The following CAMK4 variants were observed in gnomAD, a reference collection of about 807,000 sequenced individuals.
CAMK4 encodes the protein calcium/calmodulin-dependent protein kinase type IV.
In CAMK4, 22 loss-of-function variants were observed where a neutral mutation model predicts 44.9. That is an observed-to-expected ratio of 0.49 (90% CI 0.35 to 0.70). The LOEUF (loss-of-function observed/expected upper bound fraction) is 0.70. CAMK4 is among the 30% of genes least tolerant of loss of function. The probability of loss-of-function intolerance (pLI) is 0.01; values close to 1 mark genes in which losing one functional copy is unlikely to be tolerated. For missense variants in CAMK4, 498 were observed against 586.8 expected (o/e 0.85, Z 1.56); for synonymous variants, 218 against 215.4 (o/e 1.01, Z -0.11).
chr5:111,235,821 T>C (rs997657902), intron 1 of CAMK4, among the ~76,000 whole-genome samples: 1 of 151,978 alleles, frequency 6.6e-6, no homozygotes, highest in Non-Finnish European at 1.5e-5. Context: ...CTGAGCCAAG[T>C]AGTGGAGGGG....
chr5:111,237,646 T>C (rs1234207109), intron 1 of CAMK4, among the ~76,000 whole-genome samples: 3 of 152,260 alleles, frequency 2.0e-5, no homozygotes, highest in Admixed American at 1.3e-4. Context: ...GTTTCCTGGC[T>C]TCCTCTACCC....
At chr5:111,313,511 A>G (rs1293653208) in intron 1 of CAMK4, among the ~76,000 whole-genome samples, 1 of 152,144 alleles carries the variant, frequency 6.6e-6, no homozygotes, top group African/African-American at 2.4e-5. Flanking sequence ...GACTAAGAAC[A>G]TAAGTGATGA....
intron 2 of CAMK4, among the ~76,000 whole-genome samples, chr5:111,373,716 G>A (rs1035324970): frequency 1.3e-5 from 2 of 152,088 alleles, no homozygotes; most frequent in African/African-American, 4.8e-5. Flanking sequence ...TGCCTATAGA[G>A]TTTGGCTGTG....
At chr5:111,437,701 G>C (rs930368760) in intron 5 of CAMK4, among the ~76,000 whole-genome samples, 3 of 152,160 alleles carry the variant, frequency 2.0e-5, no homozygotes, top group Non-Finnish European at 4.4e-5. Context: ...GCTCAGGCAG[G>C]GAACAGCCAG....
At chr5:111,427,192 T>A (rs1176319262) in intron 5 of CAMK4, among the ~76,000 whole-genome samples, 1 of 152,128 alleles carries the variant, frequency 6.6e-6, no homozygotes, top group Non-Finnish European at 1.5e-5. Flanking sequence ...GTCAGAGTTG[T>A]GAGGTCCCCA....
In CAMK4 at chr5:111,298,656, AG is replaced by A. The variant is rs377020981; in HGVS notation, c.162-45366del. Among the ~76,000 whole-genome samples the A allele has an allele frequency of 3.1e-3, 471 of 152,312 alleles. 1 individual carries two copies. The highest frequency in any genetic ancestry group is 0.011 in the African/African-American group (439 of 41,560). The stretch of plus-strand genomic sequence containing the variant: ...CCTTGGCAGTGACTATCCCTGGAGC[AG>A]GTGTCATAACTGAAGAAGCACAAGT... On this transcript the variant is annotated intron_variant, in intron 1 of 10. Coordinates refer to ENST00000282356, the MANE Select transcript of CAMK4 (RefSeq NM_001744.6).
chr5:111,423,424 T>G (rs1418629251), intron 5 of CAMK4, among the ~76,000 whole-genome samples: 1 of 152,230 alleles, frequency 6.6e-6, no homozygotes, highest in African/African-American at 2.4e-5. Context: ...CTTCTCACAA[T>G]TTAACATTGA....
intron 1 of CAMK4, among the ~76,000 whole-genome samples, chr5:111,256,839 T>A (rs1211800097): frequency 1.3e-5 from 2 of 152,188 alleles, no homozygotes; most frequent in African/African-American, 4.8e-5. Flanking sequence ...CAACAGTATC[T>A]TTGGTCTTCT....
chr5:111,387,146 A>G (rs753897956), intron 4 of CAMK4, among the ~76,000 whole-genome samples: 28 of 152,228 alleles, frequency 1.8e-4, no homozygotes, highest in African/African-American at 6.5e-4. Context: ...AGCAATAACT[A>G]TGTTTAAATA....
chr5:111,416,385 C>G (rs756404558), intron 5 of CAMK4: 20 of 151,976 alleles, frequency 1.3e-4, no homozygotes, highest in Non-Finnish European at 2.8e-4. Context: ...CTATAATGAA[C>G]ACATATTGCT....
intron 4 of CAMK4, among the ~76,000 whole-genome samples, chr5:111,392,454 G>A (rs1431423680): frequency 6.6e-6 from 1 of 151,956 alleles, no homozygotes. Flanking sequence ...AGATTTGGGT[G>A]GGAACACAAA....
intron 1 of CAMK4, 28 bp from the exon 2 acceptor site, chr5:111,343,995 AT>A: frequency 7.4e-7 from 1 of 1,352,846 alleles, no homozygotes; most frequent in Middle Eastern, 1.8e-4. Flanking sequence ...AAAGCATAAC[AT>A]TTTCTTTTTG....
In CAMK4 at chr5:111,460,265, C is replaced by CTTTTTTTTTTTTT. The variant is rs200566906; in HGVS notation, c.625+11067_625+11068insTTTTTTTTTTTTT. On this transcript the variant is annotated intron_variant, in intron 7 of 10. Transcript: ENST00000282356. Reference sequence around the variant, plus strand: ...TAATGTTTTTCTTTTCTTTTCTTTTCTTTTTCTTTTTTTTTTTTTTGAGGC... The same window carrying CTTTTTTTTTTTTT: ...TAATGTTTTTCTTTTCTTTTCTTTTCTTTTTTTTTTTTTTTTTTCTTTTTTTTTTTTTTGAGGC... Among the ~76,000 whole-genome samples, 8 of 122,712 alleles carry CTTTTTTTTTTTTT rather than the reference C, an allele frequency of 6.5e-5. 1 individual carries two copies. The highest frequency in any genetic ancestry group is 9.3e-5 in the African/African-American group (3 of 32,390). 80.5% of individuals were successfully genotyped at this position (122,712 alleles called of 152,430 possible).
intron 2 of CAMK4, among the ~76,000 whole-genome samples, chr5:111,364,065 C>T (rs540152445): frequency 6.2e-4 from 94 of 152,192 alleles, no homozygotes; most frequent in African/African-American, 2.3e-3. Flanking sequence ...CATTTTATTT[C>T]CTCTACTCCC....
chr5:111,425,751 A>G (rs1753203587), intron 5 of CAMK4, among the ~76,000 whole-genome samples: 1 of 152,240 alleles, frequency 6.6e-6, no homozygotes, highest in African/African-American at 2.4e-5. Context: ...AAACACATGT[A>G]TATTCACATG....
intron 5 of CAMK4, among the ~76,000 whole-genome samples, chr5:111,437,304 G>T (rs1368120512): frequency 6.6e-6 from 1 of 152,084 alleles, no homozygotes; most frequent in Admixed American, 6.5e-5. Context: ...ATGAATAAAA[G>T]GTCTAGATTA....
intron 5 of CAMK4, among the ~76,000 whole-genome samples, chr5:111,407,488 A>G (rs1357726267): frequency 6.6e-6 from 1 of 152,204 alleles, no homozygotes; most frequent in African/African-American, 2.4e-5. Flanking sequence ...GAAAAAAGTG[A>G]GGAATCAAGC....
chr5:111,332,354 A>T (rs383521), intron 1 of CAMK4, among the ~76,000 whole-genome samples: 137,960 of 150,554 alleles, frequency 0.92, 63,318 homozygotes, highest in East Asian at 1. Context: ...CTTGCGATAG[A>T]TTACTGAGAA....
intron 1 of CAMK4, among the ~76,000 whole-genome samples, chr5:111,242,513 G>C (rs1238869479): frequency 6.6e-6 from 1 of 151,960 alleles, no homozygotes; most frequent in Non-Finnish European, 1.5e-5. Flanking sequence ...TTATTGCACT[G>C]GTATTTAAAT....
Sources: allele counts gnomAD v4.1 joint callset (sites outside exome capture counted in the v4.1 genomes callset), GRCh38; gene constraint gnomAD v4.1.1; transcripts MANE v1.5; gene names NCBI Gene and HGNC (gene_info 2026-07-23, HGNC 2026-07-21).